The following AOAH variants were observed in gnomAD, a reference collection of about 807,000 sequenced individuals.
AOAH encodes the protein acyloxyacyl hydrolase (neutrophil).
In AOAH, 64 loss-of-function variants were observed where a neutral mutation model predicts 92.2. The observed-to-expected ratio is 0.69, with a 90% confidence interval of 0.57 to 0.86. The LOEUF (loss-of-function observed/expected upper bound fraction) is 0.86. Among genes scored for constraint, AOAH ranks in the 40% least tolerant of loss-of-function variants. The pLI is 0.00. For synonymous variants in AOAH, 263 were observed against 254.5 expected (o/e 1.03, Z -0.32); for missense variants, 656 against 694.6 (o/e 0.94, Z 0.62).
intron 19 of AOAH, among the ~76,000 whole-genome samples, chr7:36,523,793 T>C (rs917014810): frequency 5.9e-5 from 9 of 152,064 alleles, no homozygotes; most frequent in African/African-American, 1.9e-4. Context: ...TCATGAATGC[T>C]ATCCAGCCCA....
At chr7:36,604,371 A>G (rs1022570164) in intron 11 of AOAH, among the ~76,000 whole-genome samples, 6 of 152,140 alleles carry the variant, frequency 3.9e-5, no homozygotes, top group Non-Finnish European at 8.8e-5. Context: ...GCTAGACTTT[A>G]CATTTTTTGA....
chr7:36,681,783 A>G (rs1796660259), intron 2 of AOAH, among the ~76,000 whole-genome samples: 1 of 152,212 alleles, frequency 6.6e-6, no homozygotes, highest in Admixed American at 6.5e-5. Context: ...CCTGGGTGAC[A>G]GAGCAAGACT....
At chr7:36,531,049 A>C (rs771706237) in intron 18 of AOAH, among the ~76,000 whole-genome samples, 14 of 152,234 alleles carry the variant, frequency 9.2e-5, no homozygotes, top group Non-Finnish European at 1.5e-4. Flanking sequence ...AGATGAAATA[A>C]ATCATAATAT....
intron 1 of AOAH, among the ~76,000 whole-genome samples, chr7:36,708,218 T>C (rs1798552343): frequency 6.6e-6 from 1 of 152,186 alleles, no homozygotes; most frequent in Non-Finnish European, 1.5e-5. Flanking sequence ...TCTGAGGCTC[T>C]GCTCATTTTT....
At chr7:36,565,362 G>A (rs1287167777) in intron 13 of AOAH, among the ~76,000 whole-genome samples, 4 of 152,176 alleles carry the variant, frequency 2.6e-5, no homozygotes, top group Non-Finnish European at 5.9e-5. Context: ...TATTTACTGA[G>A]TGCCTGCTTG....
At chr7:36,524,074 A>C (rs3801297) in intron 19 of AOAH, among the ~76,000 whole-genome samples, 14,210 of 152,072 alleles carry the variant, frequency 0.093, 1,020 homozygotes, top group East Asian at 0.19. Context: ...CATCATCTCC[A>C]TTCTACTTGT....
At chr7:36,559,010 C>G (rs539868369) in intron 13 of AOAH, among the ~76,000 whole-genome samples, 1 of 152,378 alleles carries the variant, frequency 6.6e-6, no homozygotes, top group Non-Finnish European at 1.5e-5. Context: ...CTGGCACTCC[C>G]TAGTGAGATG....
chr7:36,696,688 C>T (rs560659195), intron 1 of AOAH, among the ~76,000 whole-genome samples: 13 of 151,672 alleles, frequency 8.6e-5, no homozygotes, highest in Non-Finnish European at 1.6e-4. Context: ...GGTGAAACCC[C>T]GTCTCTACTA....
At chr7:36,616,310 T>TA in intron 11 of AOAH, 70 bp downstream of exon 11, 1 of 1,296,762 alleles carries the variant, frequency 7.7e-7, no homozygotes, top group Non-Finnish European at 1.1e-6. Context: ...GGCATCCCAT[T>TA]TAGAGAGAGC....
chr7:36,560,789 G>C (rs1787204214), intron 13 of AOAH, among the ~76,000 whole-genome samples: 1 of 152,210 alleles, frequency 6.6e-6, no homozygotes, highest in Non-Finnish European at 1.5e-5. Context: ...AGTGATGAGA[G>C]TGGGCATCCT....
intron 20 of AOAH, among the ~76,000 whole-genome samples, chr7:36,517,214 C>CTTTCTTTCTTTCTTTT (rs59205788): frequency 1.9e-5 from 2 of 104,828 alleles, no homozygotes; most frequent in Non-Finnish European, 3.8e-5. Flanking sequence ...TTCTTTCTTT[C>CTTTCTTTCTTTCTTTT]TCTTTCTTTC....
At chr7:36,687,232 G>A (rs7783092) in intron 1 of AOAH, among the ~76,000 whole-genome samples, 37,283 of 152,016 alleles carry the variant, frequency 0.25, 5,359 homozygotes, top group African/African-American at 0.4. Context: ...CTCCTTGAGA[G>A]GCAGGTAATA....
chr7:36,639,399 C>T (rs1308495669), intron 4 of AOAH, among the ~76,000 whole-genome samples: 2 of 152,160 alleles, frequency 1.3e-5, no homozygotes, highest in African/African-American at 4.8e-5. Context: ...GCTTCTCTGT[C>T]TCAGAAATAG....
intron 8 of AOAH, 126 bp downstream of exon 8, chr7:36,621,584 C>G (rs1792280869): frequency 6.5e-6 from 6 of 926,124 alleles, no homozygotes; most frequent in Admixed American, 1.9e-5. Flanking sequence ...AGCTTTACTT[C>G]AATCGGAACA....
chr7:36,539,129 T>C, intron 16 of AOAH, among the ~76,000 whole-genome samples: 1 of 152,190 alleles, frequency 6.6e-6, no homozygotes, highest in Non-Finnish European at 1.5e-5. Context: ...AAAAGGCTCT[T>C]GATGGCCTGA....
At position 36,719,236 on chromosome 7, in the gene AOAH, T is replaced by G. The variant is rs374959873; in HGVS notation, c.127+4786A>C. Reference sequence around the variant, plus strand: ...GTGTCCAATAAATGTTGGCAATTATTATAATTATTAACTCGCAAATGTAAT... The same window carrying G: ...GTGTCCAATAAATGTTGGCAATTATGATAATTATTAACTCGCAAATGTAAT... On this transcript the variant is annotated intron_variant, in intron 1 of 20. Coordinates refer to ENST00000617537, the MANE Select transcript of AOAH (RefSeq NM_001637.4). Among the ~76,000 whole-genome samples, 127 of 152,324 alleles carry G rather than the reference T, an allele frequency of 8.3e-4. 1 individual carries two copies. The South Asian group carries it at 0.025, about 30-fold the overall frequency.
At chr7:36,721,547 A>G (rs555712142) in intron 1 of AOAH, among the ~76,000 whole-genome samples, 2 of 152,070 alleles carry the variant, frequency 1.3e-5, no homozygotes, top group Non-Finnish European at 2.9e-5. Context: ...ACAAGACTGG[A>G]CTCCTCTTGC....
At chr7:36,674,668 G>A (rs2116664926) in intron 2 of AOAH, among the ~76,000 whole-genome samples, 1 of 152,324 alleles carries the variant, frequency 6.6e-6, no homozygotes, top group East Asian at 1.9e-4. Flanking sequence ...CAGTTTGTGA[G>A]TCTATTGTGG....
chr7:36,552,288 G>A (rs1448844170), intron 13 of AOAH, among the ~76,000 whole-genome samples: 4 of 152,110 alleles, frequency 2.6e-5, no homozygotes, highest in Admixed American at 2.6e-4. Flanking sequence ...GTTTGCTGAG[G>A]ATAAAGGTTT....
Sources: gnomAD v4.1 joint callset for allele counts (sites outside exome capture counted in the v4.1 genomes callset) on GRCh38, gnomAD v4.1.1 for gene constraint, MANE v1.5 for transcripts, NCBI Gene and HGNC (gene_info 2026-07-23, HGNC 2026-07-21) for gene names.